The following NPFFR2 variants were observed in gnomAD, a reference collection of about 807,000 sequenced individuals.
NPFFR2 encodes neuropeptide FF receptor 2.
NPFFR2 carries 15 observed loss-of-function variants against 13.1 expected under a neutral mutation model. The observed-to-expected ratio is 1.15, with a 90% confidence interval of 0.77 to 1.76. The LOEUF (loss-of-function observed/expected upper bound fraction) is 1.76, where lower values mean the gene tolerates loss of function less well. Among genes scored for constraint, NPFFR2 ranks in the 40% most tolerant of loss-of-function variants. The pLI, the probability that NPFFR2 is intolerant of heterozygous loss-of-function variation, is 0.00. For missense variants in NPFFR2, 572 were observed against 503.5 expected (o/e 1.14, Z -1.30); for synonymous variants, 190 against 175.7 (o/e 1.08, Z -0.65).
chr4:72,067,217 G>T (rs1720101104), intron 1 of NPFFR2, among the ~76,000 whole-genome samples: 1 of 152,212 alleles, frequency 6.6e-6, no homozygotes, highest in African/African-American at 2.4e-5. Context: ...GCCTTGCAGA[G>T]CAGTGGCCCG....
intron 1 of NPFFR2, among the ~76,000 whole-genome samples, chr4:72,067,068 G>A (rs957702089): frequency 5.3e-5 from 8 of 151,974 alleles, no homozygotes; most frequent in African/African-American, 9.7e-5. Context: ...CCTGGGCCCC[G>A]ATCCTCTCTG....
chr4:72,032,094 C>T lies in NPFFR2; in HGVS notation c.-114C>T, dbSNP rs141779896. Reference sequence around the variant, plus strand: ...GGACAGACGTCGGCTGGGATTGAGCCGGCAGACTGCGAAAAGTAGCTGGAG... The same window carrying T: ...GGACAGACGTCGGCTGGGATTGAGCTGGCAGACTGCGAAAAGTAGCTGGAG... On this transcript the variant is annotated 5_prime_UTR_variant, in exon 1 of 4. Coordinates refer to ENST00000308744, the MANE Select transcript of NPFFR2 (RefSeq NM_004885.3). 2 of 1,613,928 alleles carry T rather than the reference C, an allele frequency of 1.2e-6. No homozygotes were observed. Among genetic ancestry groups the T allele is most frequent in the South Asian group, 1.1e-5 (1 of 91,076 alleles).
intron 1 of NPFFR2, among the ~76,000 whole-genome samples, chr4:72,112,059 G>A (rs949746803): frequency 1.3e-5 from 2 of 152,024 alleles, no homozygotes; most frequent in African/African-American, 4.8e-5. Context: ...ATGATTGCTT[G>A]TTTGGGGTAG....
At chr4:72,038,488 A>G (rs969647092) in intron 1 of NPFFR2, among the ~76,000 whole-genome samples, 4 of 151,598 alleles carry the variant, frequency 2.6e-5, no homozygotes, top group African/African-American at 9.7e-5. Context: ...TTACAGGTCC[A>G]GACAAGTTGC....
intron 1 of NPFFR2, among the ~76,000 whole-genome samples, chr4:72,050,835 T>A (rs1719537168): frequency 7.0e-6 from 1 of 142,846 alleles, no homozygotes; most frequent in Non-Finnish European, 1.5e-5. Context: ...CATTGTTCAA[T>A]TCCCACCTAT....
At chr4:72,145,083 A>C (rs1193499335) in intron 3 of NPFFR2, among the ~76,000 whole-genome samples, 1 of 151,992 alleles carries the variant, frequency 6.6e-6, no homozygotes, top group East Asian at 1.9e-4. Flanking sequence ...TTTAGTAATT[A>C]TTATACAGTT....
chr4:72,080,782 C>A (rs1011046606), intron 1 of NPFFR2, among the ~76,000 whole-genome samples: 3 of 151,618 alleles, frequency 2.0e-5, no homozygotes, highest in Non-Finnish European at 2.9e-5. Context: ...GAATCAGGGG[C>A]CTTTACTCTC....
At chr4:72,064,081 T>C (rs1719999298) in intron 1 of NPFFR2, among the ~76,000 whole-genome samples, 1 of 152,170 alleles carries the variant, frequency 6.6e-6, no homozygotes, top group African/African-American at 2.4e-5. Flanking sequence ...ACCAGGAACA[T>C]GGATAACCCA....
intron 1 of NPFFR2, among the ~76,000 whole-genome samples, chr4:72,112,597 T>G (rs1411803757): frequency 6.6e-6 from 1 of 152,012 alleles, no homozygotes; most frequent in Admixed American, 6.6e-5. Flanking sequence ...AAACATTAAA[T>G]TGATTGCGTC....
At chr4:72,078,115 A>T (rs937460485) in intron 1 of NPFFR2, among the ~76,000 whole-genome samples, 2 of 152,102 alleles carry the variant, frequency 1.3e-5, no homozygotes, top group African/African-American at 4.8e-5. Flanking sequence ...GTTCCATAGT[A>T]GATGCCATGG....
At position 72,032,011 on chromosome 4, in the gene NPFFR2, AGCAGCGCGGCGGGCCAG is replaced by A. The variant is rs1172489122; in HGVS notation, c.-196_-180del. ...AGGGAGCGCAGAGCACTCAGCGTCC[AGCAGCGCGGCGGGCCAG>A]CCTGGAGCGGAAGCCTGGAGTGGAG... On this transcript the variant is annotated 5_prime_UTR_variant, in exon 1 of 4. Coordinates refer to ENST00000308744, the MANE Select transcript of NPFFR2 (RefSeq NM_004885.3). The A allele has an allele frequency of 6.2e-7, 1 of 1,613,844 alleles. No homozygotes were observed. Among genetic ancestry groups the A allele is most frequent in the South Asian group, 1.1e-5 (1 of 91,022 alleles).
At chr4:72,074,255 G>T (rs1720359968) in intron 1 of NPFFR2, among the ~76,000 whole-genome samples, 1 of 151,964 alleles carries the variant, frequency 6.6e-6, no homozygotes, top group African/African-American at 2.4e-5. Flanking sequence ...TAAAACTTAT[G>T]AATTGTTTAT....
chr4:72,122,790 A>T (rs1721926209), intron 1 of NPFFR2, among the ~76,000 whole-genome samples: 1 of 152,206 alleles, frequency 6.6e-6, no homozygotes, highest in African/African-American at 2.4e-5. Flanking sequence ...AGTGCCCATA[A>T]GAGAAAGCAG....
intron 2 of NPFFR2, among the ~76,000 whole-genome samples, chr4:72,130,807 G>T (rs965957848): frequency 2.0e-5 from 3 of 152,202 alleles, no homozygotes; most frequent in Non-Finnish European, 2.9e-5. Flanking sequence ...GTGTTAACCA[G>T]CTCAGTGGAG....
At chr4:72,142,714 T>G (rs1722669333) in intron 3 of NPFFR2, among the ~76,000 whole-genome samples, 1 of 152,194 alleles carries the variant, frequency 6.6e-6, no homozygotes, top group Non-Finnish European at 1.5e-5. Context: ...AATATAGACG[T>G]TTCTAACAGC....
chr4:72,082,460 CTT>C (rs1042276092), intron 1 of NPFFR2, among the ~76,000 whole-genome samples: 4 of 152,068 alleles, frequency 2.6e-5, no homozygotes, highest in African/African-American at 9.7e-5. Flanking sequence ...AATGACTACT[CTT>C]TGGTCCTCAT....
intron 1 of NPFFR2, among the ~76,000 whole-genome samples, chr4:72,073,146 A>G (rs969498098): frequency 4.5e-4 from 68 of 152,050 alleles, no homozygotes; most frequent in African/African-American, 1.5e-3. Flanking sequence ...CAACATGTCA[A>G]CCAAGAACTG....
At chr4:72,053,159 T>A (rs1719640454) in intron 1 of NPFFR2, among the ~76,000 whole-genome samples, 1 of 151,910 alleles carries the variant, frequency 6.6e-6, no homozygotes, top group Non-Finnish European at 1.5e-5. Context: ...AGTCTCTTCA[T>A]ATATTTTACA....
chr4:72,140,066 A>G (rs1174255956), intron 3 of NPFFR2, among the ~76,000 whole-genome samples: 1 of 151,922 alleles, frequency 6.6e-6, no homozygotes, highest in Admixed American at 6.6e-5. Flanking sequence ...TTTGTCTGTT[A>G]TTGGTGTATA....
Sources: allele counts gnomAD v4.1 joint callset (sites outside exome capture counted in the v4.1 genomes callset), GRCh38; gene constraint gnomAD v4.1.1; transcripts MANE v1.5; gene names NCBI Gene and HGNC (gene_info 2026-07-23, HGNC 2026-07-21).